Variants in TRHDE observed in about 807,000 individuals in gnomAD.
TRHDE encodes the protein thyrotropin-releasing hormone-degrading ectoenzyme.
TRHDE carries 72 observed loss-of-function variants against 125.7 expected under a neutral mutation model. The observed-to-expected ratio is 0.57, with a 90% CI of 0.47 to 0.70. The LOEUF (loss-of-function observed/expected upper bound fraction) is 0.70. Among genes scored for constraint, TRHDE ranks in the 30% least tolerant of loss-of-function variants. The pLI is 0.00. For missense variants in TRHDE, 1,110 were observed against 1,327.1 expected, an observed-to-expected ratio of 0.84 and a Z score of 2.54; for synonymous variants, 509 against 509.1, an observed-to-expected ratio of 1.00 and a Z score of 0.00.
intron 1 of TRHDE, among the ~76,000 whole-genome samples, chr12:72,275,687 G>A (rs905399214): frequency 4.2e-4 from 64 of 152,282 alleles, no homozygotes; most frequent in African/African-American, 1.1e-3. Flanking sequence ...TGGCAGAACT[G>A]AGCTTGTTTT....
intron 2 of TRHDE, among the ~76,000 whole-genome samples, chr12:72,318,961 C>T (rs1162239505): frequency 6.6e-6 from 1 of 151,988 alleles, no homozygotes; most frequent in South Asian, 2.1e-4. Flanking sequence ...AGATTCTCTC[C>T]CGAATCGACA....
intron 2 of TRHDE, among the ~76,000 whole-genome samples, chr12:72,364,626 A>G (rs1479442105): frequency 6.6e-6 from 1 of 152,056 alleles, no homozygotes; most frequent in Non-Finnish European, 1.5e-5. Context: ...CCTTGGGGAC[A>G]GAGGGATGCC....
intron 12 of TRHDE, among the ~76,000 whole-genome samples, chr12:72,612,127 A>G (rs3852549): frequency 0.43 from 64,856 of 151,884 alleles, 16,682 homozygotes; most frequent in African/African-American, 0.72. Flanking sequence ...CCTATCTCAA[A>G]ACCTTTGAAT....
intron 3 of TRHDE, 36 bp from the exon 4 acceptor site, chr12:72,469,722 G>T (rs752270875): frequency 8.7e-6 from 14 of 1,602,288 alleles, no homozygotes; most frequent in South Asian, 1.1e-5. Context: ...TGGTGTCTTT[G>T]TTAAAGCCTT....
intron 18 of TRHDE, among the ~76,000 whole-genome samples, chr12:72,662,355 A>G (rs1010406302): frequency 6.6e-6 from 1 of 152,216 alleles, no homozygotes; most frequent in Non-Finnish European, 1.5e-5. Context: ...GAACTCTCCA[A>G]ATAAAATTTT....
intron 2 of TRHDE, chr12:72,167,545 A>T (rs1049748008): frequency 7.9e-5 from 12 of 152,200 alleles, no homozygotes; most frequent in African/African-American, 2.9e-4. Context: ...TAGCAAAAGA[A>T]ATAAAGCATC....
rs114300896 is a variant in TRHDE at position 72,176,829 on chromosome 12, T to G, written n.279+71077T>G. Among the ~76,000 whole-genome samples, 736 of 152,368 alleles carry G rather than the reference T, an allele frequency of 4.8e-3. 7 individuals carry two copies. Among genetic ancestry groups the G allele is most frequent in the African/African-American group, 0.016 (684 of 41,594 alleles). On this transcript the variant is annotated intron_variant and non_coding_transcript_variant, in intron 2 of 4. Transcript: ENST00000548156. ...TAGTACAAAAACTAAAATAGTCATT[T>G]TGATATTTTGATACCAAGGTTGCTG...
chr12:72,102,347 A>C (rs974408891), intron 1 of TRHDE, among the ~76,000 whole-genome samples: 7 of 152,118 alleles, frequency 4.6e-5, no homozygotes, highest in Non-Finnish European at 1.0e-4. Flanking sequence ...AGTCATACAA[A>C]GACTCTCCAC....
chr12:72,530,287 C>T (rs2135973552), intron 6 of TRHDE, among the ~76,000 whole-genome samples: 1 of 152,102 alleles, frequency 6.6e-6, no homozygotes, highest in African/African-American at 2.4e-5. Flanking sequence ...TCAAACTTTT[C>T]TTGTCAACTC....
intron 2 of TRHDE, among the ~76,000 whole-genome samples, chr12:72,241,582 A>G (rs1592496775): frequency 6.6e-6 from 1 of 152,256 alleles, no homozygotes; most frequent in Non-Finnish European, 1.5e-5. Flanking sequence ...GTTGTCTCTA[A>G]TTTGGGGAAT....
At chr12:72,207,351 C>T (rs116823995) in intron 2 of TRHDE, among the ~76,000 whole-genome samples, 6,542 of 152,154 alleles carry the variant, frequency 0.043, 311 homozygotes, top group African/African-American at 0.11. Context: ...AGCACAAGCT[C>T]AGTGGGACAA....
At chr12:72,532,940 G>T (rs567257940) in intron 6 of TRHDE, among the ~76,000 whole-genome samples, 99 of 149,290 alleles carry the variant, frequency 6.6e-4, no homozygotes, top group African/African-American at 2.1e-3. Context: ...TGTCCAGTTT[G>T]CATATCAGTT....
chr12:72,141,740 C>T (rs1175104282), intron 2 of TRHDE, among the ~76,000 whole-genome samples: 3 of 152,124 alleles, frequency 2.0e-5, no homozygotes, highest in African/African-American at 4.8e-5. Context: ...GTAGGTAGTA[C>T]AGTAGAAGGA....
At chr12:72,285,487 T>C (rs553413888) in intron 1 of TRHDE, among the ~76,000 whole-genome samples, 1 of 152,114 alleles carries the variant, frequency 6.6e-6, no homozygotes, top group African/African-American at 2.4e-5. Flanking sequence ...ATGTTTTTCT[T>C]ATTTAGAAGA....
chr12:72,330,819 TC>T (rs1869559343), intron 2 of TRHDE, among the ~76,000 whole-genome samples: 1 of 152,254 alleles, frequency 6.6e-6, no homozygotes, highest in African/African-American at 2.4e-5. Flanking sequence ...ACCTACAGTT[TC>T]CTTAATCTTT....
chr12:72,416,012 GATTCCCC>G (rs1873715526), intron 3 of TRHDE, among the ~76,000 whole-genome samples: 2 of 151,922 alleles, frequency 1.3e-5, no homozygotes, highest in Non-Finnish European at 2.9e-5. Context: ...AGTGTATGAA[GATTCCCC>G]TTTCTCCACG....
chr12:72,251,210 T>C (rs1447534982), intron 2 of TRHDE, among the ~76,000 whole-genome samples: 1 of 151,676 alleles, frequency 6.6e-6, no homozygotes, highest in Non-Finnish European at 1.5e-5. Flanking sequence ...TGTAGATTCA[T>C]GTGACTACCA....
intron 2 of TRHDE, among the ~76,000 whole-genome samples, chr12:72,146,784 G>A (rs1876237356): frequency 6.6e-6 from 1 of 152,226 alleles, no homozygotes; most frequent in African/African-American, 2.4e-5. Context: ...CAAGGGCAGA[G>A]GGCCGGTATG....
chr12:72,290,322 C>A (rs1880039745), intron 2 of TRHDE, among the ~76,000 whole-genome samples: 1 of 152,172 alleles, frequency 6.6e-6, no homozygotes, highest in Non-Finnish European at 1.5e-5. Context: ...TCAGATTAGT[C>A]TGTTTCAGAA....
Sources: allele counts gnomAD v4.1 joint callset (sites outside exome capture counted in the v4.1 genomes callset), GRCh38; gene constraint gnomAD v4.1.1; transcripts MANE v1.5; gene names NCBI Gene and HGNC (gene_info 2026-07-23, HGNC 2026-07-21).